The following GNG12 variants were observed in gnomAD, a reference collection of about 807,000 sequenced individuals.
GNG12 encodes guanine nucleotide-binding protein G(I)/G(S)/G(O) subunit gamma-12.
For synonymous variants in GNG12, 28 were observed against 29.7 expected (o/e 0.94, Z 0.19); for missense variants, 69 against 83.8 (o/e 0.82, Z 0.69).
chr1:67,728,554 C>T (rs546797246), intron 2 of GNG12, among the ~76,000 whole-genome samples: 3 of 152,188 alleles, frequency 2.0e-5, no homozygotes, highest in Admixed American at 1.3e-4. Flanking sequence ...ATGATCAATA[C>T]GGGGACTGTA....
At chr1:67,792,142 C>CT (rs939980074) in intron 1 of GNG12, among the ~76,000 whole-genome samples, 1 of 152,138 alleles carries the variant, frequency 6.6e-6, no homozygotes, top group African/African-American at 2.4e-5. Context: ...GTACGTACCC[C>CT]TTCCCCCTTC....
At chr1:67,795,351 T>C (rs568711277) in intron 1 of GNG12, among the ~76,000 whole-genome samples, 1 of 152,284 alleles carries the variant, frequency 6.6e-6, no homozygotes, top group South Asian at 2.1e-4. Flanking sequence ...CCCACCATGA[T>C]GATCTCTTTT....
intron 2 of GNG12, among the ~76,000 whole-genome samples, chr1:67,750,538 TACTC>T (rs1646532806): frequency 6.6e-6 from 1 of 152,222 alleles, no homozygotes; most frequent in Non-Finnish European, 1.5e-5. Flanking sequence ...ACCCAGCAGT[TACTC>T]AATAAATGCT....
intron 2 of GNG12, among the ~76,000 whole-genome samples, chr1:67,742,193 G>A (rs924383038): frequency 6.6e-6 from 1 of 152,120 alleles, no homozygotes; most frequent in Admixed American, 6.5e-5. Context: ...CTAAGTAAAT[G>A]TTCACAACAT....
chr1:67,767,996 C>T (rs893452803), intron 2 of GNG12, among the ~76,000 whole-genome samples: 4 of 152,190 alleles, frequency 2.6e-5, no homozygotes, highest in South Asian at 2.1e-4. Flanking sequence ...AGGCTGGACT[C>T]GAATTCTTAG....
chr1:67,739,045 G>A (rs1461547747), intron 2 of GNG12, among the ~76,000 whole-genome samples: 1 of 152,168 alleles, frequency 6.6e-6, no homozygotes, highest in Non-Finnish European at 1.5e-5. Flanking sequence ...TGGGCGTGGT[G>A]GCAGGCGTCT....
At chr1:67,715,828 G>GTTGCT (rs1238516475) in intron 2 of GNG12, among the ~76,000 whole-genome samples, 11 of 152,196 alleles carry the variant, frequency 7.2e-5, no homozygotes, top group African/African-American at 2.4e-4. Flanking sequence ...TGTTAAATCT[G>GTTGCT]TTGCTTTGTA....
chr1:67,709,710 C>A (rs547598863), intron 2 of GNG12, among the ~76,000 whole-genome samples: 5 of 148,940 alleles, frequency 3.4e-5, no homozygotes, highest in Non-Finnish European at 5.9e-5. Flanking sequence ...TTTCTGTGCT[C>A]CCAGACCAGC....
chr1:67,728,921 G>A (rs555585220), intron 2 of GNG12, among the ~76,000 whole-genome samples: 120 of 152,216 alleles, frequency 7.9e-4, no homozygotes, highest in Non-Finnish European at 1.4e-3. Context: ...GTAGTTCAAA[G>A]AGAAATACAC....
chr1:67,823,697 G>A (rs575232641), intron 1 of GNG12, among the ~76,000 whole-genome samples: 38 of 152,268 alleles, frequency 2.5e-4, no homozygotes, highest in African/African-American at 7.0e-4. Flanking sequence ...GTACGGAACC[G>A]GGACATCCAA....
chr1:67,824,649 A>C (rs1647001755), intron 1 of GNG12, among the ~76,000 whole-genome samples: 1 of 152,192 alleles, frequency 6.6e-6, no homozygotes, highest in African/African-American at 2.4e-5. Flanking sequence ...TTTCAAAAAT[A>C]TTGAAGTTGT....
chr1:67,819,519 C>T (rs1380413976), intron 1 of GNG12, among the ~76,000 whole-genome samples: 1 of 152,110 alleles, frequency 6.6e-6, no homozygotes, highest in African/African-American at 2.4e-5. Context: ...GCAGCAGTTC[C>T]AAAACCCTAA....
rs1646223247 is a variant in GNG12, at chr1:67,702,788, A to G, written c.*2663T>C. The G allele has an allele frequency of 6.6e-6, 1 of 152,202 alleles. No individual in the cohort carries two copies. Among genetic ancestry groups the G allele is most frequent in the South Asian group, 2.1e-4 (1 of 4,830 alleles). The allele number at this position is 152,202 out of a possible 1,614,324, so 9.4% of individuals were successfully genotyped here. The stretch of plus-strand genomic sequence containing the variant: ...TGAAGATATAAGAATGAAAAAAAGA[A>G]AGAGATCACTGTTAACAGAAGCAGC... On this transcript the variant is annotated 3_prime_UTR_variant, in exon 4 of 4. Transcript: ENST00000370982.
At chr1:67,773,997 G>A (rs1268949064) in intron 2 of GNG12, among the ~76,000 whole-genome samples, 2 of 152,182 alleles carry the variant, frequency 1.3e-5, no homozygotes, top group African/African-American at 2.4e-5. Flanking sequence ...GCACTCAGCT[G>A]TCACATCATT....
At chr1:67,729,851 T>C (rs1646408873) in intron 2 of GNG12, among the ~76,000 whole-genome samples, 1 of 152,332 alleles carries the variant, frequency 6.6e-6, no homozygotes, top group South Asian at 2.1e-4. Flanking sequence ...CTACCATAGA[T>C]ACCACAGCCA....
At chr1:67,790,762 G>GCCA (rs1553159223) in intron 1 of GNG12, among the ~76,000 whole-genome samples, 1 of 151,686 alleles carries the variant, frequency 6.6e-6, no homozygotes, top group Non-Finnish European at 1.5e-5. Flanking sequence ...GGCGTGTGCC[G>GCCA]CCACCACCAC....
intron 2 of GNG12, among the ~76,000 whole-genome samples, chr1:67,756,234 C>A (rs151251591): frequency 1.3e-5 from 2 of 152,096 alleles, no homozygotes; most frequent in African/African-American, 4.8e-5. Context: ...TATCTGAACA[C>A]AAAGGGTAAG....
At chr1:67,709,976 A>ATATATAGT (rs1646277341) in intron 2 of GNG12, among the ~76,000 whole-genome samples, 1 of 15,840 alleles carries the variant, frequency 6.3e-5, no homozygotes, top group African/African-American at 2.2e-4. Context: ...ATATATAGTT[A>ATATATAGT]TATATATATA....
rs562848080 is a variant in GNG12 at position 67,732,496 on chromosome 1, GA to G, written c.-26-24785del. 1.1e-3 allele frequency among the ~76,000 whole-genome samples: 165 copies of G among 152,308 alleles called. 1 individual carries two copies. Among genetic ancestry groups the G allele is most frequent in the Non-Finnish European group, 2.0e-3 (137 of 68,006 alleles). On this transcript the variant is annotated intron_variant, in intron 2 of 3. Coordinates refer to ENST00000370982, the MANE Select transcript of GNG12 (RefSeq NM_018841.6). ...GACTAAGTACTTTAAATACTGCAAA[GA>G]AAGGGGCTCTGCCTCCAAATCAAGA...
Sources: allele counts gnomAD v4.1 joint callset (sites outside exome capture counted in the v4.1 genomes callset), GRCh38; gene constraint gnomAD v4.1.1; transcripts MANE v1.5; gene names NCBI Gene and HGNC (gene_info 2026-07-23, HGNC 2026-07-21).